MPPED2: variants seen among roughly 807,000 people sequenced by gnomAD.
MPPED2 encodes the protein metallophosphoesterase MPPED2.
A neutral mutation model predicts 33.0 loss-of-function variants in MPPED2; 5 were observed. That is an observed-to-expected ratio of 0.15 (90% confidence interval 0.08 to 0.32). The LOEUF (loss-of-function observed/expected upper bound fraction) is 0.32. MPPED2 is among the 10% of genes least tolerant of loss of function. The pLI is 1.00. For missense variants in MPPED2, 275 were observed against 372.1 expected (o/e 0.74, Z 2.15); for synonymous variants, 136 against 141.9 (o/e 0.96, Z 0.29).
intron 6 of MPPED2, among the ~76,000 whole-genome samples, chr11:30,390,259 G>A (rs886617763): frequency 1.3e-5 from 2 of 152,152 alleles, no homozygotes; most frequent in African/African-American, 4.8e-5. Context: ...CCCTCTAACA[G>A]TTTCTTTGTC....
chr11:30,486,780 T>G (rs1951761447), intron 4 of MPPED2, among the ~76,000 whole-genome samples: 1 of 152,242 alleles, frequency 6.6e-6, no homozygotes, highest in African/African-American at 2.4e-5. Flanking sequence ...TCTAGGTACA[T>G]GTACCTTGTT....
chr11:30,580,746 T>TA (rs1433377640), intron 1 of MPPED2, among the ~76,000 whole-genome samples: 2 of 152,200 alleles, frequency 1.3e-5, no homozygotes, highest in African/African-American at 4.8e-5. Flanking sequence ...TCTTTAATTA[T>TA]AATTATGGCA....
chr11:30,566,114 T>A (rs1956431772), intron 2 of MPPED2, among the ~76,000 whole-genome samples: 1 of 152,086 alleles, frequency 6.6e-6, no homozygotes. Flanking sequence ...AGATGACCCG[T>A]TTTCATGGTC....
intron 4 of MPPED2, among the ~76,000 whole-genome samples, chr11:30,459,876 A>G (rs1487537365): frequency 1.3e-5 from 2 of 152,228 alleles, no homozygotes; most frequent in African/African-American, 4.8e-5. Flanking sequence ...TCAGAAAGCC[A>G]AACTGACACT....
chr11:30,585,522 G>C (rs962243311), intron 1 of MPPED2, among the ~76,000 whole-genome samples: 2 of 152,094 alleles, frequency 1.3e-5, no homozygotes, highest in Non-Finnish European at 2.9e-5. Flanking sequence ...GGCCTAGGCC[G>C]GGGCGGCTCG....
At chr11:30,492,699 A>G (rs1952036532) in intron 4 of MPPED2, among the ~76,000 whole-genome samples, 1 of 83,536 alleles carries the variant, frequency 1.2e-5, no homozygotes, top group South Asian at 4.2e-4. Context: ...AAAAAAATAA[A>G]TTGACGTACC....
chr11:30,527,433 GT>G (rs1178791822), intron 3 of MPPED2, among the ~76,000 whole-genome samples: 17 of 147,720 alleles, frequency 1.2e-4, no homozygotes, highest in Non-Finnish European at 2.4e-4. Flanking sequence ...GCTGGAGATT[GT>G]TAAGACAGGA....
At chr11:30,504,706 A>G (rs1952738343) in intron 3 of MPPED2, 2 of 1,133,912 alleles carry the variant, frequency 1.8e-6, no homozygotes, top group African/African-American at 1.6e-5. Context: ...AATTTTCACA[A>G]GTCCTGACAG....
chr11:30,557,350 T>C (rs561917570), intron 2 of MPPED2, among the ~76,000 whole-genome samples: 3 of 151,760 alleles, frequency 2.0e-5, no homozygotes, highest in Admixed American at 6.5e-5. Context: ...AGAAAATGTA[T>C]CATTTCCTAT....
At chr11:30,527,825 C>T (rs1320156055) in intron 3 of MPPED2, among the ~76,000 whole-genome samples, 1 of 152,154 alleles carries the variant, frequency 6.6e-6, no homozygotes, top group East Asian at 1.9e-4. Flanking sequence ...TCCTGCCCTC[C>T]CCAGGAGTAA....
chr11:30,453,550 T>C (rs1277667546), intron 4 of MPPED2, among the ~76,000 whole-genome samples: 2 of 152,226 alleles, frequency 1.3e-5, no homozygotes, highest in Non-Finnish European at 2.9e-5. Flanking sequence ...CCTACGTACC[T>C]ACTTCTGGCT....
At chr11:30,491,205 A>G (rs1163565868) in intron 4 of MPPED2, among the ~76,000 whole-genome samples, 3 of 152,230 alleles carry the variant, frequency 2.0e-5, no homozygotes, top group Non-Finnish European at 4.4e-5. Flanking sequence ...TCTTAATAAT[A>G]AAAGAGGTTA....
chr11:30,584,336 T>C (rs1957338910), intron 1 of MPPED2: 1 of 83,382 alleles, frequency 1.2e-5, no homozygotes, highest in South Asian at 4.5e-4. Flanking sequence ...GGGTGCTTTA[T>C]GAACTACACA....
chr11:30,474,370 G>A (rs1181208293), intron 4 of MPPED2, among the ~76,000 whole-genome samples: 1 of 152,118 alleles, frequency 6.6e-6, no homozygotes, highest in Admixed American at 6.6e-5. Flanking sequence ...TTATCTTTGA[G>A]AGAGAGGGTA....
In MPPED2 at chr11:30,543,813, TTTTTA is replaced by T. The variant is rs1401556964; in HGVS notation, c.129-7643_129-7639del. Among the ~76,000 whole-genome samples the T allele has an allele frequency of 3.8e-3, 530 of 140,840 alleles. 2 individuals are homozygous for T. Among genetic ancestry groups the T allele is most frequent in the African/African-American group, 0.01 (395 of 39,136 alleles). 92.4% of individuals were successfully genotyped at this position (140,840 alleles called of 152,430 possible). ...TGTTCTTTTTTTTTTTTTTTTTTTT[TTTTTA>T]AACTAGGAGCTGGTAAAATTCTTAG... On this transcript the variant is annotated intron_variant, in intron 2 of 6. Coordinates refer to ENST00000358117, the MANE Select transcript of MPPED2 (RefSeq NM_001584.3).
At chr11:30,426,566 C>G (rs1407946501) in intron 4 of MPPED2, among the ~76,000 whole-genome samples, 2 of 152,162 alleles carry the variant, frequency 1.3e-5, no homozygotes, top group African/African-American at 4.8e-5. Flanking sequence ...TACACTCATT[C>G]AACAGACATC....
chr11:30,412,477 T>C (rs1023615581), intron 6 of MPPED2, among the ~76,000 whole-genome samples: 1 of 152,052 alleles, frequency 6.6e-6, no homozygotes, highest in South Asian at 2.1e-4. Context: ...TATAAAAACA[T>C]AGCTGTGAAA....
intron 4 of MPPED2, among the ~76,000 whole-genome samples, chr11:30,468,250 ACACACACT>A (rs1565097418): frequency 9.3e-6 from 1 of 107,506 alleles, no homozygotes; most frequent in African/African-American, 3.2e-5. Flanking sequence ...ACACACACAC[ACACACACT>A]CTCTCTCTCT....
intron 6 of MPPED2, among the ~76,000 whole-genome samples, chr11:30,400,918 C>A (rs1055557043): frequency 6.6e-6 from 1 of 152,070 alleles, no homozygotes; most frequent in African/African-American, 2.4e-5. Context: ...CAGGTGCATG[C>A]CACGACCCTC....
Sources: gnomAD v4.1 joint callset for allele counts (sites outside exome capture counted in the v4.1 genomes callset) on GRCh38, gnomAD v4.1.1 for gene constraint, MANE v1.5 for transcripts, NCBI Gene and HGNC (gene_info 2026-07-23, HGNC 2026-07-21) for gene names.